The following HHAT variants were observed in gnomAD, a reference collection of about 807,000 sequenced individuals.
HHAT encodes the protein hedgehog acyltransferase.
Under a neutral mutation model 70.8 loss-of-function variants are expected in HHAT, and 47 were observed. The observed-to-expected ratio is 0.66, with a 90% CI of 0.53 to 0.85. The LOEUF (loss-of-function observed/expected upper bound fraction) is 0.85, where lower values mean the gene tolerates loss of function less well. Ranked by LOEUF, HHAT falls within the 40% of genes least tolerant of loss-of-function variation. The pLI is 0.00. For missense variants in HHAT, 609 were observed against 604.8 expected (o/e 1.01, Z -0.07); for synonymous variants, 228 against 247.6 (o/e 0.92, Z 0.74).
intron 5 of HHAT, 65 bp downstream of exon 5, chr1:210,400,727 G>T (rs776603009): frequency 1.3e-5 from 18 of 1,433,222 alleles, no homozygotes; most frequent in Non-Finnish European, 1.6e-5. Flanking sequence ...CTTGATCCCA[G>T]TAGACACCTT....
At chr1:210,560,871 A>G (rs2095617165) in intron 9 of HHAT, among the ~76,000 whole-genome samples, 2 of 132,594 alleles carry the variant, frequency 1.5e-5, no homozygotes, top group African/African-American at 2.7e-5. Flanking sequence ...AATGTGGTGG[A>G]TCGTTTTTTT....
At chr1:210,614,679 G>T (rs891493333) in intron 10 of HHAT, among the ~76,000 whole-genome samples, 4 of 152,032 alleles carry the variant, frequency 2.6e-5, no homozygotes, top group African/African-American at 9.7e-5. Context: ...TTTTGTCCTT[G>T]TGATAGTTTG....
chr1:210,625,441 G>A (rs1199552899), intron 11 of HHAT, among the ~76,000 whole-genome samples: 1 of 152,154 alleles, frequency 6.6e-6, no homozygotes, highest in Non-Finnish European at 1.5e-5. Flanking sequence ...AGAACACAGA[G>A]ATGAAAAAGG....
chr1:210,538,962 A>G (rs1450408453), intron 9 of HHAT, among the ~76,000 whole-genome samples: 1 of 152,192 alleles, frequency 6.6e-6, no homozygotes, highest in Non-Finnish European at 1.5e-5. Flanking sequence ...CTGTAATCCC[A>G]ACTATTCAGG....
chr1:210,650,371 C>T (rs1674889250), intron 11 of HHAT, among the ~76,000 whole-genome samples: 3 of 152,262 alleles, frequency 2.0e-5, no homozygotes, highest in Admixed American at 2.0e-4. Context: ...GTTCTGGCTC[C>T]TAAAACTGGC....
At chr1:210,595,462 A>G (rs958508930) in intron 10 of HHAT, among the ~76,000 whole-genome samples, 1 of 152,162 alleles carries the variant, frequency 6.6e-6, no homozygotes, top group African/African-American at 2.4e-5. Flanking sequence ...ATGACTTATA[A>G]TCCTTTGGGT....
rs2092793995 is a variant in HHAT at position 210,418,486 on chromosome 1, T to C, written c.856+161T>C. 3.9e-5 allele frequency among the ~76,000 whole-genome samples: 6 copies of C among 152,314 alleles called. No individual in the cohort carries two copies. The South Asian group carries it at 1.2e-3, about 32-fold the overall frequency. ...CTCCTCTTGTGGCCAAGATTGTGCA[T>C]GTGAGAAGTGGTTGATGTAGCTGAC... On this transcript the variant is annotated intron_variant, in intron 7 of 11. Transcript: ENST00000261458.
rs564706985 is a variant in HHAT, at chr1:210,404,583, G to A, written c.588G>A (p.Ser196=). ...ELCWQQLPAA[S]TSYSFPWMLA... Reference sequence around the variant, plus strand: ...GCTGGCAGCAGCTGCCTGCTGCATCGACCTCCTACTCCTTTCCCTGGATGC... The same window carrying A: ...GCTGGCAGCAGCTGCCTGCTGCATCAACCTCCTACTCCTTTCCCTGGATGC... Residue 196 remains serine (S), a synonymous_variant, in exon 6 of 12, where the codon TCG becomes TCA. Transcript: ENST00000261458. 1.1e-5 allele frequency: 18 copies of A among 1,614,016 alleles called. No individual in the cohort carries two copies. Among genetic ancestry groups the A allele is most frequent in the Middle Eastern group, 1.7e-4 (1 of 6,044 alleles).
intron 8 of HHAT, among the ~76,000 whole-genome samples, chr1:210,502,658 G>A (rs977506401): frequency 6.6e-6 from 1 of 152,106 alleles, no homozygotes; most frequent in African/African-American, 2.4e-5. Context: ...TTAAATGCCT[G>A]TAATATACAA....
intron 8 of HHAT, among the ~76,000 whole-genome samples, chr1:210,474,034 C>T (rs536435507): frequency 6.6e-6 from 1 of 152,050 alleles, no homozygotes; most frequent in Non-Finnish European, 1.5e-5. Flanking sequence ...TAATTTCTGC[C>T]TTTAGTCATC....
chr1:210,455,818 C>T (rs2093853598), intron 7 of HHAT, among the ~76,000 whole-genome samples: 1 of 152,204 alleles, frequency 6.6e-6, no homozygotes, highest in African/African-American at 2.4e-5. Flanking sequence ...CCCTAAATGG[C>T]AGCCACTATC....
intron 9 of HHAT, among the ~76,000 whole-genome samples, chr1:210,558,688 C>T (rs902281138): frequency 3.3e-5 from 5 of 152,142 alleles, no homozygotes; most frequent in African/African-American, 4.8e-5. Flanking sequence ...TGTTTTATTT[C>T]CAAATGGGTA....
At chr1:210,477,827 C>T (rs2094328701) in intron 8 of HHAT, among the ~76,000 whole-genome samples, 1 of 152,116 alleles carries the variant, frequency 6.6e-6, no homozygotes, top group Non-Finnish European at 1.5e-5. Flanking sequence ...ACAGGGTTGT[C>T]ATTAGGAGAC....
intron 6 of HHAT, among the ~76,000 whole-genome samples, chr1:210,411,652 G>A (rs1478669422): frequency 6.6e-6 from 1 of 152,178 alleles, no homozygotes; most frequent in African/African-American, 2.4e-5. Context: ...CTGCAGGGGA[G>A]GCTGAGGCAG....
At chr1:210,497,321 G>A (rs890669621) in intron 8 of HHAT, among the ~76,000 whole-genome samples, 1 of 152,110 alleles carries the variant, frequency 6.6e-6, no homozygotes. Flanking sequence ...TAGTGTAAAT[G>A]ACTGAAAAAT....
chr1:210,439,021 G>A (rs1432529803), intron 7 of HHAT, among the ~76,000 whole-genome samples: 3 of 151,886 alleles, frequency 2.0e-5, no homozygotes, highest in Non-Finnish European at 4.4e-5. Flanking sequence ...GGAAGGCCAT[G>A]TGGCTTACTG....
At chr1:210,386,332 G>A (rs1406045124) in intron 3 of HHAT, among the ~76,000 whole-genome samples, 5 of 137,688 alleles carry the variant, frequency 3.6e-5, no homozygotes, top group Non-Finnish European at 7.7e-5. Context: ...TCCGCCTCCC[G>A]GGTTCACGCC....
intron 7 of HHAT, among the ~76,000 whole-genome samples, chr1:210,441,645 G>C (rs1394041137): frequency 1.3e-5 from 2 of 152,124 alleles, no homozygotes; most frequent in Non-Finnish European, 2.9e-5. Flanking sequence ...AGTGATAATA[G>C]TAATATATTT....
intron 7 of HHAT, among the ~76,000 whole-genome samples, chr1:210,438,420 T>C (rs1489277279): frequency 6.6e-6 from 1 of 151,844 alleles, no homozygotes; most frequent in Non-Finnish European, 1.5e-5. Flanking sequence ...CTCTTTCTTA[T>C]GGATGAGTGG....
Sources: gnomAD v4.1 joint callset for allele counts (sites outside exome capture counted in the v4.1 genomes callset) on GRCh38, gnomAD v4.1.1 for gene constraint, MANE v1.5 for transcripts, NCBI Gene and HGNC (gene_info 2026-07-23, HGNC 2026-07-21) for gene names.